The following PCDHGB7 variants were observed in gnomAD, a reference collection of about 807,000 sequenced individuals.
PCDHGB7 encodes the protein protocadherin gamma-B7.
A neutral mutation model predicts 61.4 loss-of-function variants in PCDHGB7; 37 were observed. The ratio of observed to expected loss-of-function variants is 0.60; its 90% CI spans 0.46 to 0.79. The LOEUF (loss-of-function observed/expected upper bound fraction) is 0.79, where lower values mean the gene tolerates loss of function less well. PCDHGB7 is among the 30% of genes least tolerant of loss of function. The pLI is 0.00. For synonymous variants in PCDHGB7, 464 were observed against 503.5 expected (o/e 0.92, Z 1.05); for missense variants, 1,166 against 1,202.5 (o/e 0.97, Z 0.45).
Position 141,419,578 on chromosome 5 carries a change from G to C in PCDHGB7, c.1719G>C (p.Ala573=), listed in dbSNP as rs1339676992. The change falls in exon 1 of 4, where the codon GCG becomes GCC. Residue 573 remains alanine (A), a synonymous_variant. Coordinates refer to ENST00000398594, the MANE Select transcript of PCDHGB7 (RefSeq NM_018927.4). ...CTGCGCTGGGTCCCGACGGCTCCGC[G>C]CTCTTCGACACAGTGCCGCGGGCCG... The part of the protein sequence containing the change: ...LYPALGPDGS[A]LFDTVPRAAQ... 6.2e-7 allele frequency: 1 copy of C among 1,611,722 alleles called. No homozygotes were observed.
chr5:141,459,117 T>A (rs1489347692), intron 1 of PCDHGB7, among the ~76,000 whole-genome samples: 1 of 152,224 alleles, frequency 6.6e-6, no homozygotes, highest in Non-Finnish European at 1.5e-5. Flanking sequence ...GACAATTGTT[T>A]ACATCTGTGT....
intron 1 of PCDHGB7, chr5:141,423,389 A>G (rs568843632): frequency 2.5e-6 from 4 of 1,614,160 alleles, no homozygotes; most frequent in Admixed American, 1.7e-5. Flanking sequence ...TGGCGCTGGC[A>G]TAAGTCACGC....
intron 2 of PCDHGB7, among the ~76,000 whole-genome samples, chr5:141,500,469 A>G (rs917974103): frequency 1.3e-5 from 2 of 152,052 alleles, no homozygotes; most frequent in East Asian, 1.9e-4. Context: ...TCGGCCTCCC[A>G]AAGTGCTGGG....
At chr5:141,421,638 C>G (rs775131295) in intron 1 of PCDHGB7, 2 of 1,613,770 alleles carry the variant, frequency 1.2e-6, no homozygotes, top group South Asian at 1.1e-5. Context: ...TCCAGGAGGA[C>G]GAAGTGGAGA....
Position 141,491,726 on chromosome 5 carries a change from C to A in PCDHGB7, c.2416-3081C>A, listed in dbSNP as rs1018940432. ...GTGAGGGGCTCGGCGCCGCCCCGGG[C>A]GACCCCTGGGGGCGGCACTGGAGAA... On this transcript the variant is annotated intron_variant, in intron 1 of 3. Coordinates refer to ENST00000398594, the MANE Select transcript of PCDHGB7 (RefSeq NM_018927.4). This position sits in a 1 kb window ranked among gnomAD's most constrained non-coding sequence, Gnocchi z 6.9. 2.2e-5 allele frequency: 36 copies of A among 1,605,766 alleles called. No individual in the cohort carries two copies. Among genetic ancestry groups the A allele is most frequent in the African/African-American group, 4.0e-5 (3 of 74,588 alleles).
rs529787438 is a variant in PCDHGB7 at position 141,470,330 on chromosome 5, G to A, written c.2416-24477G>A. Among the ~76,000 whole-genome samples the A allele has an allele frequency of 3.3e-4, 50 of 152,144 alleles. 1 individual carries two copies. The highest frequency in any genetic ancestry group is 1.1e-3 in the African/African-American group (47 of 41,498). ...TTTTCCTCAAATGATCCCATAATTT[G>A]ACCTTAGGAAGCTGTTCAAATAGAC... On this transcript the variant is annotated intron_variant, in intron 1 of 3. Coordinates refer to ENST00000398594, the MANE Select transcript of PCDHGB7 (RefSeq NM_018927.4).
chr5:141,421,424 G>T lies in PCDHGB7; in HGVS notation c.2415+1150G>T, dbSNP rs369037131. 2.2e-5 allele frequency: 35 copies of T among 1,613,974 alleles called. No individual in the cohort carries two copies. The African/African-American group carries it at 3.9e-4, about 18-fold the overall frequency. ...CGGGAGCTGGCGAAGCGCGGAGTCC[G>T]CATCGTCTCCAGAGGGAAGACACAG... is the stretch of plus-strand genomic sequence containing the variant. On this transcript the variant is annotated intron_variant, in intron 1 of 3. Transcript: ENST00000398594.
chr5:141,427,810 G>T, intron 1 of PCDHGB7: 1 of 1,523,990 alleles, frequency 6.6e-7, no homozygotes, highest in Non-Finnish European at 9.0e-7. Flanking sequence ...AGCGCACAGA[G>T]CGGGGTGGTG....
At chr5:141,488,564 G>T (rs1047904416) in intron 1 of PCDHGB7, among the ~76,000 whole-genome samples, 1 of 152,154 alleles carries the variant, frequency 6.6e-6, no homozygotes, top group African/African-American at 2.4e-5. Context: ...TGAGATTTCC[G>T]CAAAGCATTG....
In PCDHGB7 at chr5:141,419,332, C is replaced by T. The variant is rs1356380695; in HGVS notation, c.1473C>T (p.Leu491=). The change falls in exon 1 of 4, where the codon CTC becomes CTT. Residue 491 remains leucine, a synonymous_variant. Transcript: ENST00000398594. Reference sequence around the variant, plus strand: ...TCAACGGCCGTGTCTCCTACTCTCTCATTGCCAGCGACCTGGAGTCACGAA... The same window carrying T: ...TCAACGGCCGTGTCTCCTACTCTCTTATTGCCAGCGACCTGGAGTCACGAA... ...FGLNGRVSYS[L]IASDLESRTL... 3.7e-6 allele frequency: 6 copies of T among 1,613,832 alleles called. No individual in the cohort carries two copies. The Admixed American group carries it at 8.3e-5, about 22-fold the overall frequency.
chr5:141,431,968 T>G lies in PCDHGB7; in HGVS notation c.2415+11694T>G, dbSNP rs571981127. 6.2e-7 allele frequency: 1 copy of G among 1,614,190 alleles called. No individual in the cohort carries two copies. Among genetic ancestry groups the G allele is most frequent in the Admixed American group, 1.7e-5 (1 of 60,024 alleles). On this transcript the variant is annotated intron_variant, in intron 1 of 3. Coordinates refer to ENST00000398594, the MANE Select transcript of PCDHGB7 (RefSeq NM_018927.4). The surrounding 1 kb of genome is among the most constrained non-coding windows in gnomAD (Gnocchi z 4.8). ...AAAAATCTTACGGAAATTACTATAGTTTAGTCACAGACATAGTCTTGGATA... is the reference window on the plus strand; with the variant it reads ...AAAAATCTTACGGAAATTACTATAGGTTAGTCACAGACATAGTCTTGGATA...
At chr5:141,437,393 G>T (rs1034237295) in intron 1 of PCDHGB7, among the ~76,000 whole-genome samples, 3 of 152,180 alleles carry the variant, frequency 2.0e-5, no homozygotes, top group Admixed American at 6.5e-5. Flanking sequence ...TTCATCCACT[G>T]CTTTCATTCC....
rs71576115 is a variant in PCDHGB7 at position 141,463,438 on chromosome 5, C to CTTTT, written c.2416-31344_2416-31341dup. Among the ~76,000 whole-genome samples, 106 of 103,254 alleles carry CTTTT rather than the reference C, an allele frequency of 1.0e-3. 8 individuals are homozygous for CTTTT. Among genetic ancestry groups the CTTTT allele is most frequent in the African/African-American group, 3.9e-3 (88 of 22,404 alleles). The allele number at this position is 103,254 out of a possible 152,430, so 67.7% of individuals were successfully genotyped here. ...GTTTGCGGATCCTCATTTCCTTCTC[C>CTTTT]TTTTTTTTTTTTTTTTTTTTTTTTT... is the stretch of plus-strand genomic sequence containing the variant. On this transcript the variant is annotated intron_variant, in intron 1 of 3. Transcript: ENST00000398594.
intron 1 of PCDHGB7, chr5:141,471,645 T>G (rs891817778): frequency 1.3e-5 from 2 of 152,178 alleles, no homozygotes; most frequent in Non-Finnish European, 2.9e-5. Context: ...AGTAATATAC[T>G]GGATGTGGGG....
chr5:141,432,178 T>C lies in PCDHGB7; in HGVS notation c.2415+11904T>C. Reference sequence around the variant, plus strand: ...ATCCCAGAGGAGTTTCCCTCGTCTCTGTGACCGCCCACGACCCCGACTGTG... The same window carrying C: ...ATCCCAGAGGAGTTTCCCTCGTCTCCGTGACCGCCCACGACCCCGACTGTG... On this transcript the variant is annotated intron_variant, in intron 1 of 3. Transcript: ENST00000398594. The surrounding 1 kb of genome is among the most constrained non-coding windows in gnomAD (Gnocchi z 6.0). 6.2e-7 allele frequency: 1 copy of C among 1,614,184 alleles called. No individual in the cohort carries two copies. The highest frequency in any genetic ancestry group is 8.5e-7 in the Non-Finnish European group (1 of 1,180,036).
Position 141,431,592 on chromosome 5 carries a change from G to A in PCDHGB7, c.2415+11318G>A, listed in dbSNP as rs1429358254. 2.5e-6 allele frequency: 4 copies of A among 1,614,100 alleles called. No individual in the cohort carries two copies. The Admixed American group carries it at 6.7e-5, about 27-fold the overall frequency. The stretch of plus-strand genomic sequence containing the variant: ...GACGAAGGAGTCAATGCGGAAGTGA[G>A]GTATTCCTTCCGGTATGTGGACGAC... On this transcript the variant is annotated intron_variant, in intron 1 of 3. Transcript: ENST00000398594. The surrounding 1 kb of genome is among the most constrained non-coding windows in gnomAD (Gnocchi z 4.8).
rs188874944 is a variant in PCDHGB7, at chr5:141,446,708, C to T, written c.2415+26434C>T. Among the ~76,000 whole-genome samples, 183 of 152,314 alleles carry T rather than the reference C, an allele frequency of 1.2e-3. 1 individual carries two copies. The highest frequency in any genetic ancestry group is 2.1e-3 in the Admixed American group (32 of 15,302). On this transcript the variant is annotated intron_variant, in intron 1 of 3. Coordinates refer to ENST00000398594, the MANE Select transcript of PCDHGB7 (RefSeq NM_018927.4). ...GGCCAGGCTGGTCTCGAACTCTGAT[C>T]TGCCCGCCTCGGCCTCCCAAAGTGT...
At chr5:141,421,700 C>A (rs755518757) in intron 1 of PCDHGB7, 2 of 1,613,900 alleles carry the variant, frequency 1.2e-6, no homozygotes, top group Non-Finnish European at 1.7e-6. Flanking sequence ...CTTCCTAATG[C>A]TAGGGATCCA....
chr5:141,457,649 A>C (rs1303184316), intron 1 of PCDHGB7, among the ~76,000 whole-genome samples: 1 of 152,282 alleles, frequency 6.6e-6, no homozygotes, highest in Non-Finnish European at 1.5e-5. Context: ...TATTTGCATG[A>C]AGTGCAGCAA....
Sources: allele counts gnomAD v4.1 joint callset (sites outside exome capture counted in the v4.1 genomes callset), GRCh38; gene constraint gnomAD v4.1.1; non-coding constraint Gnocchi (gnomAD v3.1); transcripts MANE v1.5; gene names NCBI Gene and HGNC (gene_info 2026-07-23, HGNC 2026-07-21).